Variants in MORC3 observed in about 807,000 individuals in gnomAD.
MORC3 encodes the protein MORC family CW-type zinc finger protein 3.
In MORC3, 31 loss-of-function variants were observed where a neutral mutation model predicts 109.1. The observed-to-expected ratio is 0.28, with a 90% CI of 0.21 to 0.38. The LOEUF (loss-of-function observed/expected upper bound fraction) is 0.38, where lower values mean the gene tolerates loss of function less well. Among genes scored for constraint, MORC3 ranks in the 10% least tolerant of loss-of-function variants. The pLI is 1.00. For missense variants in MORC3, 867 were observed against 1,135.8 expected (o/e 0.76, Z 3.40); for synonymous variants, 395 against 380.7 (o/e 1.04, Z -0.44).
chr21:36,369,442 G>T lies in MORC3; in HGVS notation c.2074G>T (p.Ala692Ser). ...QETTDKSADD[A>S]GCQLQELRNQ... is the part of the protein sequence containing the mutation. ...AACCACCGATAAATCTGCAGATGAT[G>T]CAGGCTGCCAATTACAAGAACTGAG... The change falls in exon 15 of 17, where the codon GCA becomes TCA. Residue 692 changes from alanine to serine, a missense_variant. Physicochemically the swap from Ala to Ser is moderately conservative, Grantham distance 99. Transcript: ENST00000400485. 1 of 1,614,186 alleles carries T rather than the reference G, an allele frequency of 6.2e-7. No individual in the cohort carries two copies. The highest frequency in any genetic ancestry group is 8.5e-7 in the Non-Finnish European group (1 of 1,180,044).
intron 2 of MORC3, among the ~76,000 whole-genome samples, chr21:36,335,511 T>G (rs2085366257): frequency 6.6e-6 from 1 of 152,066 alleles, no homozygotes; most frequent in Admixed American, 6.6e-5. Context: ...AGACAGGGTT[T>G]CACCATATTG....
intron 8 of MORC3, among the ~76,000 whole-genome samples, chr21:36,348,640 C>T (rs1278337769): frequency 6.6e-6 from 1 of 152,180 alleles, no homozygotes; most frequent in Non-Finnish European, 1.5e-5. Context: ...AACTCCTGAC[C>T]TCAGGTGATC....
At chr21:36,346,324 T>C (rs1028776305) in intron 8 of MORC3, among the ~76,000 whole-genome samples, 1 of 152,226 alleles carries the variant, frequency 6.6e-6, no homozygotes, top group Non-Finnish European at 1.5e-5. Context: ...CGGCCTAGTA[T>C]ATTAATTTTG....
intron 1 of MORC3, among the ~76,000 whole-genome samples, chr21:36,333,034 G>T (rs1489221175): frequency 6.6e-6 from 1 of 151,998 alleles, no homozygotes; most frequent in Non-Finnish European, 1.5e-5. Flanking sequence ...TGATCTGCCC[G>T]CCTCGGCCTC....
intron 6 of MORC3, among the ~76,000 whole-genome samples, chr21:36,341,947 C>T (rs1241952514): frequency 6.6e-6 from 1 of 152,022 alleles, no homozygotes; most frequent in Non-Finnish European, 1.5e-5. Context: ...AACGTATTTG[C>T]CCGTGCACGG....
intron 1 of MORC3, among the ~76,000 whole-genome samples, chr21:36,329,735 A>G (rs2085292590): frequency 1.3e-5 from 2 of 152,240 alleles, no homozygotes; most frequent in South Asian, 4.1e-4. Flanking sequence ...GGAAAGAAAT[A>G]AAAATAATTC....
At chr21:36,338,670 T>G (rs1029325116) in intron 4 of MORC3, 104 bp from the exon 5 acceptor site, 2 of 1,132,790 alleles carry the variant, frequency 1.8e-6, no homozygotes, top group African/African-American at 3.2e-5. Context: ...CCTTAGAAAA[T>G]TATTTATAAA....
chr21:36,327,907 T>C (rs1229531709), intron 1 of MORC3, among the ~76,000 whole-genome samples: 4 of 151,858 alleles, frequency 2.6e-5, no homozygotes, highest in African/African-American at 9.7e-5. Context: ...GACAGAGTCT[T>C]GTTCTGTTGC....
At chr21:36,360,490 C>G in intron 12 of MORC3, 1 of 562,140 alleles carries the variant, frequency 1.8e-6, no homozygotes, top group South Asian at 2.1e-5. Flanking sequence ...TAAGAGCAGT[C>G]TGCTGTTGTG....
chr21:36,357,101 G>A (rs1392554282), intron 10 of MORC3, among the ~76,000 whole-genome samples: 1 of 152,054 alleles, frequency 6.6e-6, no homozygotes, highest in Non-Finnish European at 1.5e-5. Flanking sequence ...ATATTACTTG[G>A]CCTCTTGTAA....
chr21:36,357,841 A>G (rs1207301591), intron 10 of MORC3, among the ~76,000 whole-genome samples: 1 of 151,172 alleles, frequency 6.6e-6, no homozygotes, highest in Non-Finnish European at 1.5e-5. Context: ...CCCGGGTTCA[A>G]GCAATTCTCC....
At chr21:36,355,635 T>C (rs1222145077) in intron 9 of MORC3, among the ~76,000 whole-genome samples, 1 of 151,968 alleles carries the variant, frequency 6.6e-6, no homozygotes, top group African/African-American at 2.4e-5. Flanking sequence ...CAGAATAGAG[T>C]ACTTTTGTTT....
chr21:36,347,642 C>T (rs2085524374), intron 8 of MORC3, among the ~76,000 whole-genome samples: 1 of 152,134 alleles, frequency 6.6e-6, no homozygotes, highest in African/African-American at 2.4e-5. Context: ...GCCCTCAAAG[C>T]TCAGTTTTGT....
At chr21:36,324,616 T>A (rs1343659650) in intron 1 of MORC3, among the ~76,000 whole-genome samples, 1 of 151,534 alleles carries the variant, frequency 6.6e-6, no homozygotes, top group Non-Finnish European at 1.5e-5. Flanking sequence ...GCTCACTGCA[T>A]TATCTCTATT....
chr21:36,366,775 C>T lies in MORC3; in HGVS notation c.1620-2213C>T, dbSNP rs568288987. Among the ~76,000 whole-genome samples the T allele has an allele frequency of 7.2e-5, 11 of 152,152 alleles. No homozygotes were observed. In the South Asian group the frequency reaches 1.2e-3, roughly 17 times the overall value. On this transcript the variant is annotated intron_variant, in intron 14 of 16. Transcript: ENST00000400485. ...CGGCCTATTAAACAGTTTTTAAAGC[C>T]GTATTCTCAAATTTATAAACCAAAG...
chr21:36,362,106 A>G, intron 12 of MORC3, 77 bp from the exon 13 acceptor site: 1 of 1,424,032 alleles, frequency 7.0e-7, no homozygotes, highest in Non-Finnish European at 9.9e-7. Context: ...GTACCTTAGT[A>G]ACTGCATAAA....
chr21:36,325,282 T>C (rs894716959), intron 1 of MORC3, among the ~76,000 whole-genome samples: 2 of 152,212 alleles, frequency 1.3e-5, no homozygotes, highest in African/African-American at 4.8e-5. Context: ...GCGGAATTGC[T>C]AAGAACCAAA....
intron 6 of MORC3, among the ~76,000 whole-genome samples, chr21:36,342,386 GT>G (rs2085459471): frequency 6.6e-6 from 1 of 152,038 alleles, no homozygotes; most frequent in East Asian, 1.9e-4. Flanking sequence ...TAGAAATGAG[GT>G]TTTTGTTTTT....
At chr21:36,364,606 G>T (rs144365355) in intron 14 of MORC3, among the ~76,000 whole-genome samples, 2,008 of 151,738 alleles carry the variant, frequency 0.013, 41 homozygotes, top group African/African-American at 0.047. Context: ...TGAGGCTGAG[G>T]CTGCACCCCA....
Sources: allele counts gnomAD v4.1 joint callset (sites outside exome capture counted in the v4.1 genomes callset), GRCh38; gene constraint gnomAD v4.1.1; transcripts MANE v1.5; gene names NCBI Gene and HGNC (gene_info 2026-07-23, HGNC 2026-07-21).